RLBP1: variants seen among roughly 807,000 people sequenced by gnomAD.
The protein encoded by RLBP1 is retinaldehyde-binding protein 1.
In RLBP1, 26 loss-of-function variants were observed where a neutral mutation model predicts 36.2. That is an observed-to-expected ratio of 0.72 (90% CI 0.53 to 1.00). The LOEUF is 1.00. Ranked by LOEUF, RLBP1 falls within the 50% of genes least tolerant of loss-of-function variation. RLBP1 has a pLI of 0.00. For missense variants in RLBP1, 410 were observed against 402.4 expected (o/e 1.02, Z -0.16); for synonymous variants, 155 against 156.2 (o/e 0.99, Z 0.06).
chr15:89,210,551 G>T lies in RLBP1; in HGVS notation c.796-108C>A. 1.5e-6 allele frequency: 2 copies of T among 1,361,692 alleles called. No homozygotes were observed. The highest frequency in any genetic ancestry group is 2.1e-6 in the Non-Finnish European group (2 of 961,190). 84.4% of individuals were successfully genotyped at this position (1,361,692 alleles called of 1,614,324 possible). ...CAAAGCCCCATCATGTGCAGTCTTT[G>T]CCTGGCGACACCTCTCTCCGCAGGT... On this transcript the variant is annotated intron_variant, in intron 8 of 8. Transcript: ENST00000268125. This position sits in a 1 kb window ranked among gnomAD's most constrained non-coding sequence, Gnocchi z 4.7.
At chr15:89,217,016 G>A (rs2051585708) in intron 5 of RLBP1, 104 bp downstream of exon 5, 8 of 1,228,082 alleles carry the variant, frequency 6.5e-6, no homozygotes, top group Non-Finnish European at 9.4e-6. Context: ...AAACTGACTT[G>A]CCCACAGTAT....
intron 5 of RLBP1, 62 bp from the exon 6 acceptor site, chr15:89,215,300 C>A: frequency 6.4e-7 from 1 of 1,551,062 alleles, no homozygotes; most frequent in Non-Finnish European, 8.9e-7. Context: ...CCCATCCCTC[C>A]TAGTGGGACT....
At chr15:89,216,559 T>G (rs1567123648) in intron 5 of RLBP1, among the ~76,000 whole-genome samples, 2 of 152,188 alleles carry the variant, frequency 1.3e-5, no homozygotes, top group Admixed American at 1.3e-4. Context: ...CGACTTCAGA[T>G]GATCTGCCCG....
chr15:89,213,902 A>G (rs1417952904), intron 6 of RLBP1, among the ~76,000 whole-genome samples: 1 of 152,222 alleles, frequency 6.6e-6, no homozygotes, highest in Non-Finnish European at 1.5e-5. Flanking sequence ...AACATGCAAA[A>G]GTAGCTAGAA....
At chr15:89,221,202 T>C (rs181681091) in intron 1 of RLBP1, among the ~76,000 whole-genome samples, 1 of 152,164 alleles carries the variant, frequency 6.6e-6, no homozygotes, top group Admixed American at 6.5e-5. Context: ...GGAGATGGGG[T>C]TTCACCATGT....
rs1019512521 is a variant in RLBP1, at chr15:89,210,500, G to C, written c.796-57C>G. On this transcript the variant is annotated intron_variant, in intron 8 of 8. Transcript: ENST00000268125. This position sits in a 1 kb window ranked among gnomAD's most constrained non-coding sequence, Gnocchi z 4.7. ...AGGAGGAGGTGCCCTAAGGATGAGGGTTGAGGGAGGAAAGGGGCAGGAGGA... is the reference window on the plus strand; with the variant it reads ...AGGAGGAGGTGCCCTAAGGATGAGGCTTGAGGGAGGAAAGGGGCAGGAGGA... The C allele has an allele frequency of 1.3e-6, 2 of 1,592,402 alleles. No individual in the cohort carries two copies. The highest frequency in any genetic ancestry group is 1.7e-6 in the Non-Finnish European group (2 of 1,161,036).
Position 89,210,335 on chromosome 15 carries a change from C to A in RLBP1, c.904G>T (p.Ala302Ser). 6.2e-7 allele frequency: 1 copy of A among 1,614,226 alleles called. No homozygotes were observed. Among genetic ancestry groups the A allele is most frequent in the South Asian group, 1.1e-5 (1 of 91,088 alleles). ...GCCTGGGGGCCAAAGAGCTGCTCAG[C>A]AACGGCCTTGCCATCATACTTGGGC... ...TLPKYDGKAV[A>S]EQLFGPQAQA... The change falls in exon 9 of 9, where the codon GCT (alanine) becomes TCT (serine). Residue 302 changes from alanine (A) to serine (S), a missense_variant. Ala to Ser is a moderately conservative substitution (Grantham distance 99). Coordinates refer to ENST00000268125, the MANE Select transcript of RLBP1 (RefSeq NM_000326.5). This position sits in a 1 kb window ranked among gnomAD's most constrained non-coding sequence, Gnocchi z 4.7.
intron 1 of RLBP1, among the ~76,000 whole-genome samples, chr15:89,220,684 G>T (rs1210951698): frequency 6.6e-6 from 1 of 152,140 alleles, no homozygotes; most frequent in Non-Finnish European, 1.5e-5. Context: ...GCTATCAGTT[G>T]GGTTTTGCTG....
intron 5 of RLBP1, among the ~76,000 whole-genome samples, chr15:89,215,613 A>G (rs911061647): frequency 2.0e-4 from 30 of 152,182 alleles, no homozygotes; most frequent in Non-Finnish European, 2.5e-4. Flanking sequence ...GGATAAGCTG[A>G]GTGGTGAGGT....
Position 89,218,626 on chromosome 15 carries a change from G to C in RLBP1, c.80C>G (p.Thr27Ser). ...ELRAQLEQLT[T>S]KDHGPVFGPC... ...GCCAAAGACAGGTCCATGGTCCTTGGTTGTGAGCTGCTCCAGTTGGGCACG... is the reference window on the plus strand; with the variant it reads ...GCCAAAGACAGGTCCATGGTCCTTGCTTGTGAGCTGCTCCAGTTGGGCACG... Residue 27 changes from threonine to serine, a missense_variant, in exon 4 of 9, where the codon ACC becomes AGC. Transcript: ENST00000268125. This position sits in a 1 kb window ranked among gnomAD's most constrained non-coding sequence, Gnocchi z 4.6. The C allele has an allele frequency of 1.2e-6, 2 of 1,614,260 alleles. No homozygotes were observed. The highest frequency in any genetic ancestry group is 1.7e-6 in the Non-Finnish European group (2 of 1,180,052).
Position 89,218,655 on chromosome 15 carries a change from C to A in RLBP1, c.51G>T (p.Glu17Asp), listed in dbSNP as rs1433542598. ...TGAGCTGCTCCAGTTGGGCACGGAG[C>A]TCCTGTTCCTCTTCAGGTACCATGC... ...TFRMVPEEEQ[E>D]LRAQLEQLTT... is the part of the protein sequence containing the mutation. Residue 17 changes from glutamate to aspartate, a missense_variant, in exon 4 of 9, where the codon GAG (glutamate) becomes GAT (aspartate). Transcript: ENST00000268125. The surrounding 1 kb of genome is among the most constrained non-coding windows in gnomAD (Gnocchi z 4.6). 4.3e-6 allele frequency: 7 copies of A among 1,614,224 alleles called. No homozygotes were observed. Among genetic ancestry groups the A allele is most frequent in the Non-Finnish European group, 5.9e-6 (7 of 1,180,046 alleles).
chr15:89,211,969 G>A lies in RLBP1; in HGVS notation c.526-68C>T, dbSNP rs900339365. 6.5e-7 allele frequency: 1 copy of A among 1,537,188 alleles called. No individual in the cohort carries two copies. The highest frequency in any genetic ancestry group is 9.0e-7 in the Non-Finnish European group (1 of 1,116,602). On this transcript the variant is annotated intron_variant, in intron 6 of 8. Coordinates refer to ENST00000268125, the MANE Select transcript of RLBP1 (RefSeq NM_000326.5). The surrounding 1 kb of genome is among the most constrained non-coding windows in gnomAD (Gnocchi z 5.8). ...AATAATTAAGGCTTGAGGTCCTGAG[G>A]GGAGAGCTAATTGGTACATTCTTCA...
chr15:89,216,807 G>C (rs1270750767), intron 5 of RLBP1, among the ~76,000 whole-genome samples: 1 of 152,216 alleles, frequency 6.6e-6, no homozygotes, highest in African/African-American at 2.4e-5. Flanking sequence ...GGTTCTCATG[G>C]TGGGGGTCTG....
In RLBP1 at chr15:89,210,794, G is replaced by C. The variant is rs28933990; in HGVS notation, c.700C>G (p.Arg234Gly). The C allele has an allele frequency of 1.3e-6, 2 of 1,589,084 alleles. No individual in the cohort carries two copies. The highest frequency in any genetic ancestry group is 2.7e-5 in the African/African-American group (2 of 74,500). The change falls in exon 8 of 9, where the codon CGG becomes GGG. Residue 234 changes from arginine (R) to glycine (G), a missense_variant. Transcript: ENST00000268125. This position sits in a 1 kb window ranked among gnomAD's most constrained non-coding sequence, Gnocchi z 4.7. The part of the protein sequence containing the change: ...VDMLQDSFPA[R>G]FKAIHFIHQP... ...TGGATGAAGTGGATGGCTTTGAACC[G>C]GGCTGGGAAGGAATCCTGCGGTGAC...
rs189704445 is a variant in RLBP1, at chr15:89,214,781, C to T, written c.525+279G>A. 5.4e-4 allele frequency among the ~76,000 whole-genome samples: 82 copies of T among 152,360 alleles called. 1 individual carries two copies. The East Asian group carries it at 0.015, about 28-fold the overall frequency. On this transcript the variant is annotated intron_variant, in intron 6 of 8. Transcript: ENST00000268125. This position sits in a 1 kb window ranked among gnomAD's most constrained non-coding sequence, Gnocchi z 4.6. ...GCAGCCCCCAGCTCATGGCACACAG[C>T]TGTTACCCCCACTTGGCACTTGGCA...
intron 6 of RLBP1, among the ~76,000 whole-genome samples, chr15:89,213,793 C>T (rs545888201): frequency 1.3e-5 from 2 of 152,246 alleles, no homozygotes; most frequent in African/African-American, 4.8e-5. Flanking sequence ...CCAGCTCTCC[C>T]CAAGCTTGTT....
chr15:89,219,403 A>G (rs887238853), intron 2 of RLBP1, among the ~76,000 whole-genome samples: 4 of 152,210 alleles, frequency 2.6e-5, no homozygotes, highest in Non-Finnish European at 4.4e-5. Flanking sequence ...TCTCAATGAC[A>G]TGATCACTGC....
chr15:89,216,313 C>CTTTTTTTTTTTTTTTTTTTTTT (rs369791115), intron 5 of RLBP1, among the ~76,000 whole-genome samples: 1 of 146,404 alleles, frequency 6.8e-6, no homozygotes. Flanking sequence ...GAACCACCCC[C>CTTTTTTTTTTTTTTTTTTTTTT]TTTTTTTTTT....
At position 89,217,207 on chromosome 15, in the gene RLBP1, T is replaced by A; in HGVS notation, c.259A>T (p.Arg87Trp). Residue 87 changes from arginine to tryptophan, a missense_variant, in exon 5 of 9, where the codon AGG becomes TGG. Transcript: ENST00000268125. ...GEELAVAVAE[R>W]VQEKDSGFFL... Reference sequence around the variant, plus strand: ...AAGCCGCTGTCCTTCTCTTGCACCCTCTCCGCCACGGCCACCGCCAGCTCC... The same window carrying A: ...AAGCCGCTGTCCTTCTCTTGCACCCACTCCGCCACGGCCACCGCCAGCTCC... The A allele has an allele frequency of 6.2e-7, 1 of 1,613,476 alleles. No individual in the cohort carries two copies. The highest frequency in any genetic ancestry group is 1.1e-5 in the South Asian group (1 of 91,088).
Sources: gnomAD v4.1 joint callset for allele counts (sites outside exome capture counted in the v4.1 genomes callset) on GRCh38, gnomAD v4.1.1 for gene constraint, Gnocchi (gnomAD v3.1) non-coding constraint, MANE v1.5 for transcripts, NCBI Gene and HGNC (gene_info 2026-07-23, HGNC 2026-07-21) for gene names.